Variants in COL16A1 observed in about 807,000 individuals in gnomAD.
The protein encoded by COL16A1 is collagen type XVI alpha 1 chain.
In COL16A1, 189 loss-of-function variants were observed where a neutral mutation model predicts 266.3. The observed-to-expected ratio is 0.71, with a 90% CI of 0.63 to 0.80. The LOEUF is 0.80. Among genes scored for constraint, COL16A1 ranks in the 30% least tolerant of loss-of-function variants. COL16A1 has a pLI of 0.00. For missense variants in COL16A1, 1,928 were observed against 2,122.4 expected (o/e 0.91, Z 1.80); for synonymous variants, 740 against 782.3 (o/e 0.95, Z 0.90).
chr1:31,668,942 T>G lies in COL16A1; in HGVS notation c.3196-87A>C. ...CTTCCCCCTGCCCCACTGCCTTCTG[T>G]TCCCACTCCAGGCAAATATGGAGGC... On this transcript the variant is annotated intron_variant, in intron 49 of 70. Coordinates refer to ENST00000373672, the MANE Select transcript of COL16A1 (RefSeq NM_001856.4). This position sits in a 1 kb window ranked among gnomAD's most constrained non-coding sequence, Gnocchi z 5.8. 2.5e-6 allele frequency: 3 copies of G among 1,219,976 alleles called. No homozygotes were observed. Among genetic ancestry groups the G allele is most frequent in the Non-Finnish European group, 3.5e-6 (3 of 858,844 alleles). The allele number at this position is 1,219,976 out of a possible 1,614,324, so 75.6% of individuals were successfully genotyped here.
chr1:31,656,309 TG>T lies in COL16A1; in HGVS notation c.4101+90del. ...TGCCCCCTGCCCACTGGCCTTCCTG[TG>T]TCTCCTCTCTGTGGCTAAAGCCGTA... On this transcript the variant is annotated intron_variant, in intron 66 of 70. Transcript: ENST00000373672. This position sits in a 1 kb window ranked among gnomAD's most constrained non-coding sequence, Gnocchi z 4.2. 1 of 1,557,792 alleles carries T rather than the reference TG, an allele frequency of 6.4e-7. No homozygotes were observed. The highest frequency in any genetic ancestry group is 8.7e-7 in the Non-Finnish European group (1 of 1,153,242).
chr1:31,681,952 G>T (rs1643675786), intron 37 of COL16A1, among the ~76,000 whole-genome samples: 1 of 152,214 alleles, frequency 6.6e-6, no homozygotes, highest in African/African-American at 2.4e-5. Context: ...TCCTATCAGT[G>T]AATCCCAAAC....
chr1:31,653,878 G>C lies in COL16A1; in HGVS notation c.4523C>G (p.Pro1508Arg), dbSNP rs1371355171. 6.2e-7 allele frequency: 1 copy of C among 1,611,480 alleles called. No homozygotes were observed. The change falls in exon 69 of 71, where the codon CCA (proline) becomes CGA (arginine). Residue 1508 changes from proline to arginine, a missense_variant. Pro to Arg is a moderately radical substitution (Grantham distance 103). Coordinates refer to ENST00000373672, the MANE Select transcript of COL16A1 (RefSeq NM_001856.4). The stretch of plus-strand genomic sequence containing the variant: ...TAGGGCAGAGCTACCTCTTACTCCT[G>C]GCAAGCCCTGCCGTCCTTCTCTGCC... ...QIGREGRQGL[P>R]GVRGLPGTKG...
chr1:31,679,400 A>G, intron 42 of COL16A1: 1 of 1,530,156 alleles, frequency 6.5e-7, no homozygotes, highest in African/African-American at 1.4e-5. Flanking sequence ...TGGGTGCCTG[A>G]CAGCTGACGC....
At chr1:31,695,917 C>A in intron 9 of COL16A1, 130 bp from the exon 10 acceptor site, 1 of 990,162 alleles carries the variant, frequency 1.0e-6, no homozygotes, top group South Asian at 1.4e-5. Flanking sequence ...GTCTGTCTCA[C>A]CCCCATCCGT....
At chr1:31,689,599 A>G in intron 23 of COL16A1, 142 bp downstream of exon 23, 1 of 693,608 alleles carries the variant, frequency 1.4e-6, no homozygotes. Flanking sequence ...TTACCACAGT[A>G]AGAGCCTAGA....
In COL16A1 at chr1:31,679,625, C is replaced by A. The variant is rs539871072; in HGVS notation, c.2772+7G>T. The A allele has an allele frequency of 2.8e-5, 45 of 1,614,246 alleles. No individual in the cohort carries two copies. The South Asian group carries it at 4.9e-4, about 18-fold the overall frequency. On this transcript the variant is annotated splice_region_variant and intron_variant, in intron 42 of 70. Coordinates refer to ENST00000373672, the MANE Select transcript of COL16A1 (RefSeq NM_001856.4). ...CCCAAGCTCCTCATTCTCTTCTCCC[C>A]CTTTACCTGCAGCCCAGGTACTCCA... is the stretch of plus-strand genomic sequence containing the variant.
intron 1 of COL16A1, among the ~76,000 whole-genome samples, 162 bp downstream of exon 1, chr1:31,703,675 C>T (rs889123553): frequency 1.3e-5 from 2 of 152,226 alleles, no homozygotes; most frequent in African/African-American, 4.8e-5. Context: ...GATTTGGGCG[C>T]AGGGAGTCAG....
At chr1:31,665,767 G>A (rs978213226) in intron 54 of COL16A1, 115 bp downstream of exon 54, 80 of 1,598,542 alleles carry the variant, frequency 5.0e-5, no homozygotes, top group African/African-American at 8.0e-5. Context: ...GAGGCTCTGG[G>A]CATGAGGTAG....
Position 31,698,919 on chromosome 1 carries a change from C to A in COL16A1, c.267-313G>T, listed in dbSNP as rs906499626. ...GACCAGCCTGGGCAGCATGGTGAAA[C>A]ACCGTCTCTACTAAAAATACAAAAA... On this transcript the variant is annotated intron_variant, in intron 4 of 70. Coordinates refer to ENST00000373672, the MANE Select transcript of COL16A1 (RefSeq NM_001856.4). This position sits in a 1 kb window ranked among gnomAD's most constrained non-coding sequence, Gnocchi z 4.1. 2.0e-5 allele frequency among the ~76,000 whole-genome samples: 3 copies of A among 152,140 alleles called. No homozygotes were observed. Among genetic ancestry groups the A allele is most frequent in the African/African-American group, 7.2e-5 (3 of 41,424 alleles).
At chr1:31,683,056 A>G in intron 36 of COL16A1, 54 bp from the exon 37 acceptor site, 1 of 1,612,698 alleles carries the variant, frequency 6.2e-7, no homozygotes, top group Non-Finnish European at 8.5e-7. Context: ...GCCAGCTACA[A>G]CCCAGCAGGT....
chr1:31,697,620 C>T lies in COL16A1; in HGVS notation c.657+286G>A, dbSNP rs981738671. On this transcript the variant is annotated intron_variant, in intron 6 of 70. Transcript: ENST00000373672. The surrounding 1 kb of genome is among the most constrained non-coding windows in gnomAD (Gnocchi z 4.2). Reference sequence around the variant, plus strand: ...GGAGGTAACAGCGTAGGCAAAGGCACGGCAGTGTGAAAGCACTGGGTGCGC... The same window carrying T: ...GGAGGTAACAGCGTAGGCAAAGGCATGGCAGTGTGAAAGCACTGGGTGCGC... Among the ~76,000 whole-genome samples the T allele has an allele frequency of 6.6e-6, 1 of 152,048 alleles. No homozygotes were observed. Among genetic ancestry groups the T allele is most frequent in the Non-Finnish European group, 1.5e-5 (1 of 68,006 alleles).
At chr1:31,671,995 T>C (rs955678987) in intron 47 of COL16A1, among the ~76,000 whole-genome samples, 1 of 152,102 alleles carries the variant, frequency 6.6e-6, no homozygotes, top group South Asian at 2.1e-4. Flanking sequence ...ACATAGTTGG[T>C]GTTGAGCTGA....
intron 39 of COL16A1, 100 bp from the exon 40 acceptor site, chr1:31,680,201 G>A: frequency 1.3e-6 from 2 of 1,505,708 alleles, no homozygotes; most frequent in Non-Finnish European, 1.8e-6. Flanking sequence ...GGAGAGGCCA[G>A]GGTTTCAATC....
chr1:31,662,527 G>A lies in COL16A1; in HGVS notation c.3627+60C>T, dbSNP rs1286283355. ...CACACACAGGTGCACACACACACATGCACCACACACATGCGCATGCATCGC... is the reference window on the plus strand; with the variant it reads ...CACACACAGGTGCACACACACACATACACCACACACATGCGCATGCATCGC... On this transcript the variant is annotated intron_variant, in intron 57 of 70. Coordinates refer to ENST00000373672, the MANE Select transcript of COL16A1 (RefSeq NM_001856.4). 2.6e-6 allele frequency: 4 copies of A among 1,546,888 alleles called. No homozygotes were observed. In the East Asian group the frequency reaches 9.7e-5, roughly 37 times the overall value.
Position 31,654,811 on chromosome 1 carries a change from C to T in COL16A1, c.4338G>A (p.Glu1446=). 1 of 1,614,028 alleles carries T rather than the reference C, an allele frequency of 6.2e-7. No homozygotes were observed. The highest frequency in any genetic ancestry group is 8.5e-7 in the Non-Finnish European group (1 of 1,180,008). ...YDEIKRFIRQ[E]IIKMFDERMA... is the part of the protein sequence containing the mutation. ...AGTTACCATCAAACATTTTAATGAT[C>T]TCTTGTCTGATGAACCTCTTGATTT... Residue 1446 remains glutamate (E), a synonymous_variant, in exon 68 of 71, where the codon GAG becomes GAA. Transcript: ENST00000373672.
In COL16A1 at chr1:31,698,954, G is replaced by A. The variant is rs868722049; in HGVS notation, c.267-348C>T. On this transcript the variant is annotated intron_variant, in intron 4 of 70. Coordinates refer to ENST00000373672, the MANE Select transcript of COL16A1 (RefSeq NM_001856.4). This position sits in a 1 kb window ranked among gnomAD's most constrained non-coding sequence, Gnocchi z 4.1. ...ACTAAAAATACAAAAAATTCGCCAG[G>A]TGTAGTGGCAGGCGCCTGTAATCCC... Among the ~76,000 whole-genome samples, 1 of 152,254 alleles carries A rather than the reference G, an allele frequency of 6.6e-6. No homozygotes were observed. The highest frequency in any genetic ancestry group is 3.4e-3 in the Middle Eastern group (1 of 294).
rs1477841149 is a variant in COL16A1 at position 31,672,848 on chromosome 1, GGGAGTGGGGAGA to G, written c.2860-20_2860-9del. Reference sequence around the variant, plus strand: ...ACAGTCCCCGCAGATACTCTGATCAGGGAGTGGGGAGAGGAGTGGGGCCTGGGTTAGAGATGG... The same window carrying G: ...ACAGTCCCCGCAGATACTCTGATCAGGGAGTGGGGCCTGGGTTAGAGATGG... On this transcript the variant is annotated splice_polypyrimidine_tract_variant and intron_variant, in intron 44 of 70. Transcript: ENST00000373672. 5.0e-6 allele frequency: 8 copies of G among 1,612,966 alleles called. No homozygotes were observed. In the African/African-American group the frequency reaches 8.0e-5, roughly 16 times the overall value.
At chr1:31,689,378 G>A in intron 23 of COL16A1, 1 of 585,284 alleles carries the variant, frequency 1.7e-6, no homozygotes, top group Admixed American at 3.1e-5. Flanking sequence ...GGGGGTCTGT[G>A]AGAGAGGGGG....
Sources: gnomAD v4.1 joint callset for allele counts (sites outside exome capture counted in the v4.1 genomes callset) on GRCh38, gnomAD v4.1.1 for gene constraint, Gnocchi (gnomAD v3.1) non-coding constraint, MANE v1.5 for transcripts, NCBI Gene and HGNC (gene_info 2026-07-23, HGNC 2026-07-21) for gene names.